Variants in GJC3 observed in about 807,000 individuals in gnomAD.
GJC3 encodes gap junction protein gamma 3.
Under a neutral mutation model 19.8 loss-of-function variants are expected in GJC3, and 17 were observed. The observed-to-expected ratio is 0.86, with a 90% CI of 0.59 to 1.29. The LOEUF (loss-of-function observed/expected upper bound fraction) is 1.29, where lower values mean the gene tolerates loss of function less well. GJC3 is among the 50% of genes most tolerant of loss of function. The pLI is 0.00. For synonymous variants in GJC3, 140 were observed against 136.5 expected (o/e 1.03, Z -0.18); for missense variants, 317 against 332.5 (o/e 0.95, Z 0.36).
At chr7:99,930,691 C>T (rs1819882685), upstream of GJC3, among the ~76,000 whole-genome samples, 1 of 152,166 alleles carries the variant, frequency 6.6e-6, no homozygotes. Flanking sequence ...TATGCTAGAA[C>T]CTAATACAGT....
intron 1 of GJC3, among the ~76,000 whole-genome samples, chr7:99,924,411 A>C (rs1244187913): frequency 6.6e-6 from 1 of 152,100 alleles, no homozygotes; most frequent in Non-Finnish European, 1.5e-5. Flanking sequence ...GACATGGTGA[A>C]ACCCCGTCTC....
chr7:99,925,431 A>G (rs1047994992), intron 1 of GJC3, among the ~76,000 whole-genome samples: 1 of 152,230 alleles, frequency 6.6e-6, no homozygotes, highest in African/African-American at 2.4e-5. Context: ...AGCTGAAACT[A>G]TACAACTCTT....
chr7:99,926,325 C>G (rs1424072131), intron 1 of GJC3, among the ~76,000 whole-genome samples: 1 of 147,774 alleles, frequency 6.8e-6, no homozygotes, highest in Non-Finnish European at 1.5e-5. Flanking sequence ...CAGAGTGAGA[C>G]TCCATCCCAA....
At chr7:99,925,896 C>T (rs79290209) in intron 1 of GJC3, among the ~76,000 whole-genome samples, 9,824 of 152,278 alleles carry the variant, frequency 0.065, 342 homozygotes, top group Middle Eastern at 0.071. Flanking sequence ...TCCCACATTG[C>T]TGGTAGGAAT....
chr7:99,927,180 G>A (rs1584282889), intron 1 of GJC3, among the ~76,000 whole-genome samples: 1 of 152,246 alleles, frequency 6.6e-6, no homozygotes, highest in African/African-American at 2.4e-5. Flanking sequence ...TGCAAAGGGA[G>A]TAGCCTCTGG....
chr7:99,927,304 CTT>C (rs1202201962), intron 1 of GJC3, among the ~76,000 whole-genome samples: 2 of 152,204 alleles, frequency 1.3e-5, no homozygotes, highest in Non-Finnish European at 2.9e-5. Context: ...TCCTGCCTCA[CTT>C]TAAGTGGATA....
At position 99,929,090 on chromosome 7, in the gene GJC3, A is replaced by G. The variant is rs1267117322; in HGVS notation, c.531T>C (p.Ser177=). 7 of 1,613,916 alleles carry G rather than the reference A, an allele frequency of 4.3e-6. No individual in the cohort carries two copies. The South Asian group carries it at 4.4e-5, about 10-fold the overall frequency. The change falls in exon 1 of 2, where the codon AGT becomes AGC. Residue 177 remains serine, a synonymous_variant. Coordinates refer to ENST00000312891, the MANE Select transcript of GJC3 (RefSeq NM_181538.3). The part of the protein sequence containing the change: ...FACRREPCLG[S]ITCNLSRPSE... ...AGGGGCGGGACAGATTGCAGGTTAT[A>G]CTACCAAGGCAAGGTTCTCGGCGAC...
At chr7:99,923,645 G>A (rs1819729139) in intron 1 of GJC3, 42 bp from the exon 2 acceptor site, 1 of 778,096 alleles carries the variant, frequency 1.3e-6, no homozygotes, top group East Asian at 2.4e-5. Context: ...TTACAAGTGT[G>A]TAACTTTTTC....
At position 99,928,958 on chromosome 7, in the gene GJC3, G is replaced by A. The variant is rs765935157; in HGVS notation, c.663C>T (p.Thr221=). The change falls in exon 1 of 2, where the codon ACC becomes ACT. Residue 221 remains threonine (T), a synonymous_variant. Transcript: ENST00000312891. ...TAGAAGAGGAAGATTTGTGCTTCCA[G>A]GTCCTCCACCATCTCCCCAAACCCA... ...VLLGLGRWWR[T]WKHKSSSSKY... The A allele has an allele frequency of 6.2e-7, 1 of 1,614,000 alleles. No homozygotes were observed.
At position 99,928,886 on chromosome 7, in the gene GJC3, G is replaced by A. The variant is rs371301762; in HGVS notation, c.735C>T (p.Thr245=). The A allele has an allele frequency of 1.5e-5, 25 of 1,614,080 alleles. No homozygotes were observed. The highest frequency in any genetic ancestry group is 2.2e-5 in the East Asian group (1 of 44,872). The change falls in exon 1 of 2, where the codon ACC becomes ACT. Residue 245 remains threonine (T), a synonymous_variant. Coordinates refer to ENST00000312891, the MANE Select transcript of GJC3 (RefSeq NM_181538.3). ...SESTRRHKKA[T]DSLPVVETKE... ...TGGTTTCCACCACTGGGAGGCTATC[G>A]GTTGCTTTCTTGTGTCTTCTGGTGC...
rs543854474 is a variant in GJC3 at position 99,928,872 on chromosome 7, A to G, written c.749T>C (p.Val250Ala). ...RHKKATDSLP[V>A]VETKEQFQEA... ...TTGAAATTGCTCTTTGGTTTCCACC[A>G]CTGGGAGGCTATCGGTTGCTTTCTT... Residue 250 changes from valine to alanine, a missense_variant, in exon 1 of 2, where the codon GTG becomes GCG. Val to Ala is a moderately conservative substitution (Grantham distance 64). Coordinates refer to ENST00000312891, the MANE Select transcript of GJC3 (RefSeq NM_181538.3). 13 of 1,614,140 alleles carry G rather than the reference A, an allele frequency of 8.1e-6. No homozygotes were observed. The African/African-American group carries it at 1.7e-4, about 22-fold the overall frequency.
At chr7:99,928,810 A>T (rs745958453) in intron 1 of GJC3, 30 bp downstream of exon 1, 1 of 1,605,616 alleles carries the variant, frequency 6.2e-7, no homozygotes, top group Non-Finnish European at 8.5e-7. Flanking sequence ...CACAAACATC[A>T]GTGACAGGAA....
chr7:99,923,743 T>G (rs1395432682), intron 1 of GJC3, 140 bp from the exon 2 acceptor site: 6 of 680,500 alleles, frequency 8.8e-6, no homozygotes, highest in Non-Finnish European at 1.3e-5. Context: ...ACAAAGGCTT[T>G]GAAAACTGAA....
At chr7:99,923,846 A>T (rs1314998761) in intron 1 of GJC3, among the ~76,000 whole-genome samples, 1 of 152,176 alleles carries the variant, frequency 6.6e-6, no homozygotes, top group Non-Finnish European at 1.5e-5. Flanking sequence ...AAATATCAAC[A>T]TCCTCCACCA....
intron 1 of GJC3, among the ~76,000 whole-genome samples, chr7:99,925,216 A>C (rs563367704): frequency 6.6e-6 from 1 of 152,238 alleles, no homozygotes; most frequent in African/African-American, 2.4e-5. Flanking sequence ...TGATGTGACT[A>C]TTACACATTG....
chr7:99,929,651 T>C (rs1207166376), upstream of GJC3: 1 of 1,572,012 alleles, frequency 6.4e-7, no homozygotes, highest in Non-Finnish European at 8.6e-7. Flanking sequence ...AAGAGATCAG[T>C]GTTGTTCACT....
At position 99,929,563 on chromosome 7, in the gene GJC3, C is replaced by T. The variant is rs1413497737; in HGVS notation, c.58G>A (p.Val20Met). 3.1e-6 allele frequency: 5 copies of T among 1,612,538 alleles called. No individual in the cohort carries two copies. Among genetic ancestry groups the T allele is most frequent in the Admixed American group, 3.3e-5 (2 of 59,992 alleles). The stretch of plus-strand genomic sequence containing the variant: ...AGCACGGGAAGCAAGAGGCGCCCCA[C>T]GGGGGTGGAGCGCCGGCTCTCCTCC... ...LAEESRRSTP[V>M]GRLLLPVLLG... The change falls in exon 1 of 2, where the codon GTG becomes ATG. Residue 20 changes from valine (V) to methionine (M), a missense_variant. Physicochemically the swap from Val to Met is conservative, Grantham distance 21 (BLOSUM62 1). Coordinates refer to ENST00000312891, the MANE Select transcript of GJC3 (RefSeq NM_181538.3).
In GJC3 at chr7:99,929,023, C is replaced by T. The variant is rs143497140; in HGVS notation, c.598G>A (p.Gly200Ser). 468 of 1,614,018 alleles carry T rather than the reference C, an allele frequency of 2.9e-4. No homozygotes were observed. Among genetic ancestry groups the T allele is most frequent in the Non-Finnish European group, 3.7e-4 (432 of 1,180,038 alleles). ...AAAAAAGTAAACAAGAGACAGAAACCGCTGACTCCAAACATGGTCTTTAGG... is the reference window on the plus strand; with the variant it reads ...AAAAAAGTAAACAAGAGACAGAAACTGCTGACTCCAAACATGGTCTTTAGG... ...IFLKTMFGVS[G>S]FCLLFTFLEL... Residue 200 changes from glycine (G) to serine (S), a missense_variant, in exon 1 of 2, where the codon GGT becomes AGT. Coordinates refer to ENST00000312891, the MANE Select transcript of GJC3 (RefSeq NM_181538.3).
At chr7:99,924,317 G>A (rs922321469) in intron 1 of GJC3, among the ~76,000 whole-genome samples, 1 of 152,180 alleles carries the variant, frequency 6.6e-6, no homozygotes, top group African/African-American at 2.4e-5. Context: ...TGGTGGGCAC[G>A]GTGGCTCACG....
Sources: gnomAD v4.1 joint callset for allele counts (sites outside exome capture counted in the v4.1 genomes callset) on GRCh38, gnomAD v4.1.1 for gene constraint, MANE v1.5 for transcripts, NCBI Gene and HGNC (gene_info 2026-07-23, HGNC 2026-07-21) for gene names.